LRIG1: variants seen among roughly 807,000 people sequenced by gnomAD.
The protein encoded by LRIG1 is leucine-rich repeats and immunoglobulin-like domains protein 1.
LRIG1 carries 48 observed loss-of-function variants against 99.2 expected under a neutral mutation model. That is an observed-to-expected ratio of 0.48 (90% CI 0.38 to 0.62). The LOEUF is 0.62. Ranked by LOEUF, LRIG1 falls within the 20% of genes least tolerant of loss-of-function variation. The pLI is 0.00. For synonymous variants in LRIG1, 772 were observed against 596.1 expected (o/e 1.29, Z -4.30); for missense variants, 1,646 against 1,434.4 (o/e 1.15, Z -2.38).
intron 9 of LRIG1, chr3:66,404,518 G>T: frequency 1.2e-6 from 1 of 807,034 alleles, no homozygotes; most frequent in Non-Finnish European, 1.6e-6. Flanking sequence ...GGGCTTTGGA[G>T]CCAAACAAGC....
chr3:66,411,254 A>G (rs1423649385), intron 6 of LRIG1, among the ~76,000 whole-genome samples: 5 of 152,238 alleles, frequency 3.3e-5, no homozygotes, highest in Non-Finnish European at 7.3e-5. Context: ...GTTCAGTATT[A>G]CAAGGGCTTT....
At chr3:66,481,592 T>C (rs1379738654) in intron 1 of LRIG1, among the ~76,000 whole-genome samples, 1 of 152,194 alleles carries the variant, frequency 6.6e-6, no homozygotes, top group Non-Finnish European at 1.5e-5. Context: ...AAGATGTTTT[T>C]TATATTCCCC....
chr3:66,458,072 T>C (rs1700270568), intron 2 of LRIG1, among the ~76,000 whole-genome samples: 2 of 152,240 alleles, frequency 1.3e-5, no homozygotes, highest in African/African-American at 4.8e-5. Flanking sequence ...CAAGTTTAAC[T>C]TTTCTAAGTA....
chr3:66,484,672 G>A (rs1280542986), intron 1 of LRIG1, among the ~76,000 whole-genome samples: 3 of 152,114 alleles, frequency 2.0e-5, no homozygotes, highest in Admixed American at 6.5e-5. Context: ...GGTAAGAAGC[G>A]CGATGAGGGG....
intron 1 of LRIG1, among the ~76,000 whole-genome samples, chr3:66,484,681 G>A (rs1233243335): frequency 6.6e-6 from 1 of 151,892 alleles, no homozygotes; most frequent in African/African-American, 2.4e-5. Flanking sequence ...CGCGATGAGG[G>A]GCAGGTGGAC....
chr3:66,422,049 C>A (rs1246367454), intron 3 of LRIG1, among the ~76,000 whole-genome samples: 1 of 152,232 alleles, frequency 6.6e-6, no homozygotes, highest in East Asian at 1.9e-4. Context: ...ACACAGGACA[C>A]CATGTCTCTA....
chr3:66,418,179 C>T (rs1702680739), intron 3 of LRIG1, among the ~76,000 whole-genome samples: 1 of 152,192 alleles, frequency 6.6e-6, no homozygotes, highest in Admixed American at 6.5e-5. Flanking sequence ...GCAACCTCCG[C>T]CTCCTGGGTT....
intron 1 of LRIG1, among the ~76,000 whole-genome samples, chr3:66,490,662 T>C (rs919603409): frequency 1.3e-5 from 2 of 151,916 alleles, no homozygotes; most frequent in African/African-American, 2.4e-5. Flanking sequence ...AAAAAATGCA[T>C]TGGAGCGTGC....
intron 2 of LRIG1, 84 bp downstream of exon 2, chr3:66,462,354 G>C (rs1166929154): frequency 1.1e-5 from 10 of 928,010 alleles, no homozygotes; most frequent in Non-Finnish European, 1.8e-5. Context: ...GGATCTAGGG[G>C]AGTGAGCGAT....
Position 66,498,931 on chromosome 3 carries a change from G to A in LRIG1, c.218+1259C>T, listed in dbSNP as rs554876320. Among the ~76,000 whole-genome samples the A allele has an allele frequency of 2.0e-5, 3 of 152,202 alleles. No individual in the cohort carries two copies. In the East Asian group the frequency reaches 5.8e-4, roughly 29 times the overall value. ...TCAGAACACAGGCCACATTTTCTTC[G>A]ATCAAGCCACAGGTGCTGGTTACAA... On this transcript the variant is annotated intron_variant, in intron 1 of 18. Coordinates refer to ENST00000273261, the MANE Select transcript of LRIG1 (RefSeq NM_015541.3).
At position 66,413,032 on chromosome 3, in the gene LRIG1, G is replaced by T. The variant is rs1702519152; in HGVS notation, c.648-18C>A. The T allele has an allele frequency of 6.2e-6, 10 of 1,614,108 alleles. No individual in the cohort carries two copies. The highest frequency in any genetic ancestry group is 8.5e-6 in the Non-Finnish European group (10 of 1,179,960). On this transcript the variant is annotated intron_variant, in intron 5 of 18. Transcript: ENST00000273261. ...TGAGGTCCCTAAAGAGATGAAGCCAGCAGGGTCAGAGTGTCTTATGTGCAT... is the reference window on the plus strand; with the variant it reads ...TGAGGTCCCTAAAGAGATGAAGCCATCAGGGTCAGAGTGTCTTATGTGCAT...
intron 1 of LRIG1, among the ~76,000 whole-genome samples, chr3:66,489,619 C>T (rs1701056599): frequency 1.3e-5 from 2 of 151,878 alleles, no homozygotes; most frequent in Non-Finnish European, 2.9e-5. Flanking sequence ...TAATTCTTAC[C>T]ATCCAATGAA....
At chr3:66,476,200 T>C (rs377594727) in intron 1 of LRIG1, among the ~76,000 whole-genome samples, 2 of 152,174 alleles carry the variant, frequency 1.3e-5, no homozygotes, top group East Asian at 1.9e-4. Flanking sequence ...GATTAAACCC[T>C]GTAGTAAAGT....
At chr3:66,390,150 AC>A (rs1246979246) in intron 12 of LRIG1, among the ~76,000 whole-genome samples, 1 of 152,164 alleles carries the variant, frequency 6.6e-6, no homozygotes, top group East Asian at 1.9e-4. Context: ...AATGAAAGCC[AC>A]CCAGACTGGA....
chr3:66,498,619 T>C (rs1046677184), intron 1 of LRIG1, among the ~76,000 whole-genome samples: 9 of 149,750 alleles, frequency 6.0e-5, no homozygotes, highest in African/African-American at 2.0e-4. Context: ...TACCCCAGAC[T>C]AAATAAGAGA....
chr3:66,443,006 C>T (rs1703594457), intron 3 of LRIG1, among the ~76,000 whole-genome samples: 1 of 152,138 alleles, frequency 6.6e-6, no homozygotes, highest in African/African-American at 2.4e-5. Context: ...AGGAAAATGA[C>T]AAGTCATGAC....
At chr3:66,454,213 T>C (rs986512450) in intron 2 of LRIG1, among the ~76,000 whole-genome samples, 1 of 152,184 alleles carries the variant, frequency 6.6e-6, no homozygotes, top group Non-Finnish European at 1.5e-5. Flanking sequence ...AGAGTAAGTC[T>C]GTTAGCTCCA....
intron 3 of LRIG1, among the ~76,000 whole-genome samples, chr3:66,449,026 G>A (rs145902220): frequency 1.7e-4 from 26 of 152,294 alleles, no homozygotes; most frequent in African/African-American, 5.3e-4. Flanking sequence ...CTGGATGACT[G>A]GAATCATCAT....
intron 13 of LRIG1, among the ~76,000 whole-genome samples, chr3:66,385,761 A>AT (rs1575646855): frequency 6.6e-6 from 1 of 152,322 alleles, no homozygotes; most frequent in East Asian, 1.9e-4. Context: ...CAATAACTAG[A>AT]TTTTTAAAAC....
Sources: gnomAD v4.1 joint callset for allele counts (sites outside exome capture counted in the v4.1 genomes callset) on GRCh38, gnomAD v4.1.1 for gene constraint, MANE v1.5 for transcripts, NCBI Gene and HGNC (gene_info 2026-07-23, HGNC 2026-07-21) for gene names.